MKNK2: variants seen among roughly 807,000 people sequenced by gnomAD.
MKNK2 encodes MAP kinase-interacting serine/threonine-protein kinase 2.
In MKNK2, 54 loss-of-function variants were observed where a neutral mutation model predicts 55.0. The ratio of observed to expected loss-of-function variants is 0.98; its 90% CI spans 0.79 to 1.23. MKNK2 has a LOEUF of 1.23. MKNK2 is among the 50% of genes most tolerant of loss of function. The probability of loss-of-function intolerance (pLI) is 0.00; values close to 1 mark genes in which losing one functional copy is unlikely to be tolerated. For synonymous variants in MKNK2, 323 were observed against 256.0 expected (o/e 1.26, Z -2.50); for missense variants, 685 against 632.1 (o/e 1.08, Z -0.90).
chr19:2,038,412 T>C lies in MKNK2; in HGVS notation c.*1201A>G, dbSNP rs1048363032. The C allele has an allele frequency of 1.1e-5, 11 of 984,994 alleles. No homozygotes were observed. The highest frequency in any genetic ancestry group is 1.1e-4 in the East Asian group (1 of 8,736). The allele number at this position is 984,994 out of a possible 1,614,324, so 61.0% of individuals were successfully genotyped here. A position where few individuals can be genotyped will look rare whatever the true frequency, so the allele number is the denominator to read the frequency against. On this transcript the variant is annotated 3_prime_UTR_variant, in exon 14 of 14. Transcript: ENST00000250896. ...TTCTAAAGTGGAACCCTGTATTGCA[T>C]AGAACGTCCCCACCCGCGGGGAGGG...
chr19:2,040,224 G>A (rs745748466), intron 12 of MKNK2, 47 bp from the exon 13 acceptor site: 19 of 1,486,772 alleles, frequency 1.3e-5, no homozygotes, highest in East Asian at 7.1e-5. Flanking sequence ...AGCTGGGGCC[G>A]CCTGGGGCGC....
intron 2 of MKNK2, among the ~76,000 whole-genome samples, chr19:2,047,111 T>C (rs951246437): frequency 6.6e-6 from 1 of 152,170 alleles, no homozygotes; most frequent in African/African-American, 2.4e-5. Flanking sequence ...TGAGGCCTCC[T>C]AGCACCTCAG....
intron 5 of MKNK2, 107 bp downstream of exon 5, chr19:2,046,079 G>A (rs776261355): frequency 2.2e-5 from 26 of 1,159,958 alleles, no homozygotes; most frequent in Non-Finnish European, 3.3e-5. Flanking sequence ...TTAGACACGG[G>A]TCTTCCCGGC....
At chr19:2,040,653 ACTC>A (rs745917256) in intron 12 of MKNK2, 8 of 289,640 alleles carry the variant, frequency 2.8e-5, no homozygotes, top group Non-Finnish European at 3.9e-5. Flanking sequence ...GAAACACCCG[ACTC>A]CTCCTCGACT....
intron 2 of MKNK2, among the ~76,000 whole-genome samples, chr19:2,046,904 A>C (rs1215340613): frequency 6.6e-6 from 1 of 152,180 alleles, no homozygotes; most frequent in East Asian, 1.9e-4. Flanking sequence ...GGGACCCCCA[A>C]GCTCCTGGGA....
chr19:2,044,982 C>T (rs2016966808), intron 5 of MKNK2, among the ~76,000 whole-genome samples: 1 of 152,134 alleles, frequency 6.6e-6, no homozygotes, highest in African/African-American at 2.4e-5. Context: ...GGGCAGAGGG[C>T]CCACACCCCA....
Position 2,043,505 on chromosome 19 carries a change from G to C in MKNK2, c.417C>G (p.His139Gln), listed in dbSNP as rs2016936984. Residue 139 changes from histidine to glutamine, a missense_variant and splice_region_variant, in exon 6 of 14, where the codon CAC becomes CAG. Physicochemically the swap from His to Gln is conservative, Grantham distance 24. Transcript: ENST00000250896. The part of the protein sequence containing the change: ...EVEMLYQCQG[H>Q]RNVLELIEFF... ...GGTGGCAAGGGTGGCTCACCTACCT[G>C]TGTCCCTGGCACTGGTACAGCATCT... 6.2e-7 allele frequency: 1 copy of C among 1,613,780 alleles called. No individual in the cohort carries two copies. Among genetic ancestry groups the C allele is most frequent in the Non-Finnish European group, 8.5e-7 (1 of 1,179,854 alleles).
At chr19:2,040,053 C>G in intron 13 of MKNK2, 81 bp downstream of exon 13, 1 of 1,479,488 alleles carries the variant, frequency 6.8e-7, no homozygotes, top group East Asian at 2.4e-5. Context: ...CAAAGCAGTT[C>G]TCCGGGTCTT....
In MKNK2 at chr19:2,038,029, CCA is replaced by C; in HGVS notation, c.*1582_*1583del. The C allele has an allele frequency of 7.6e-7, 1 of 1,317,022 alleles. No individual in the cohort carries two copies. 81.6% of individuals were successfully genotyped at this position (1,317,022 alleles called of 1,614,324 possible). A position where few individuals can be genotyped will look rare whatever the true frequency, so the allele number is the denominator to read the frequency against. ...GGGGGAAAGGGGTGGGCGGAATGCC[CCA>C]CCCCCCCCAGGGGTCTTTGGAAGGG... On this transcript the variant is annotated 3_prime_UTR_variant, in exon 14 of 14. Transcript: ENST00000250896.
intron 13 of MKNK2, 134 bp from the exon 14 acceptor site, chr19:2,039,990 G>C: frequency 1.4e-6 from 2 of 1,379,600 alleles, no homozygotes; most frequent in Non-Finnish European, 2.0e-6. Context: ...CTGAGCACCA[G>C]GGCCCCACCG....
rs2016794183 is a variant in MKNK2, at chr19:2,038,177, C to T, written c.*1436G>A. 1 of 1,021,484 alleles carries T rather than the reference C, an allele frequency of 9.8e-7. No homozygotes were observed. The highest frequency in any genetic ancestry group is 1.2e-6 in the Non-Finnish European group (1 of 854,836). 63.3% of individuals were successfully genotyped at this position (1,021,484 alleles called of 1,614,324 possible). A position where few individuals can be genotyped will look rare whatever the true frequency, so the allele number is the denominator to read the frequency against. On this transcript the variant is annotated 3_prime_UTR_variant, in exon 14 of 14. Transcript: ENST00000250896. The stretch of plus-strand genomic sequence containing the variant: ...AGGGCCAGGCAGACGGTCTCCGAGG[C>T]CCCCACCCCCAGGCCCCCCGACATT...
intron 2 of MKNK2, among the ~76,000 whole-genome samples, chr19:2,048,426 G>A (rs1487846686): frequency 6.6e-6 from 1 of 152,122 alleles, no homozygotes; most frequent in East Asian, 1.9e-4. Context: ...TTGAAGCTGG[G>A]GAACCGAGGC....
chr19:2,039,895 A>G (rs781694512), intron 13 of MKNK2, 39 bp from the exon 14 acceptor site: 1 of 1,566,504 alleles, frequency 6.4e-7, no homozygotes, highest in South Asian at 1.2e-5. Flanking sequence ...ACCAAGAGGC[A>G]CCCCTCAGGG....
chr19:2,050,703 G>A (rs2017096650), intron 2 of MKNK2, 98 bp downstream of exon 2: 3 of 1,189,002 alleles, frequency 2.5e-6, no homozygotes, highest in South Asian at 1.4e-5. Context: ...CCAGGCACGA[G>A]CCCCGGGAGC....
At position 2,038,460 on chromosome 19, in the gene MKNK2, G is replaced by A. The variant is rs12151339; in HGVS notation, c.*1153C>T. On this transcript the variant is annotated 3_prime_UTR_variant, in exon 14 of 14. Coordinates refer to ENST00000250896, the MANE Select transcript of MKNK2 (RefSeq NM_199054.3). ...GGGGGCAGCAGGCTCCGCAGCCCCC[G>A]GGGGTTGGAGCATGGAGGGTGGGGG... The A allele has an allele frequency of 0.14, 140,348 of 985,230 alleles. 10,706 individuals carry two copies. The highest frequency in any genetic ancestry group is 0.15 in the Non-Finnish European group (128,453 of 829,712). 61.0% of individuals were successfully genotyped at this position (985,230 alleles called of 1,614,324 possible).
intron 2 of MKNK2, 72 bp from the exon 3 acceptor site, chr19:2,046,763 C>T: frequency 3.2e-6 from 4 of 1,258,592 alleles, no homozygotes; most frequent in Non-Finnish European, 3.2e-6. Flanking sequence ...CTATCCTGCC[C>T]CAGTGTCGCA....
Position 2,042,518 on chromosome 19 carries a change from G to GA in MKNK2, c.658dup (p.Ser220PhefsTer7). The GA allele has an allele frequency of 6.3e-7, 1 of 1,593,684 alleles. No homozygotes were observed. The highest frequency in any genetic ancestry group is 8.5e-7 in the Non-Finnish European group (1 of 1,171,448). On this transcript the variant is annotated frameshift_variant, in exon 10 of 14. Coordinates refer to ENST00000250896, the MANE Select transcript of MKNK2 (RefSeq NM_199054.3). LOFTEE classifies it high-confidence loss of function. ...GTCGAAGTCACAGATCTTCACGGGG[G>GA]AGACCTGGGAGGGGCCAAAAGGTCC...
chr19:2,049,359 T>C (rs1380568364), intron 2 of MKNK2, among the ~76,000 whole-genome samples: 1 of 152,162 alleles, frequency 6.6e-6, no homozygotes, highest in East Asian at 1.9e-4. Context: ...GGAGCAGCCG[T>C]GCATGGTGGG....
rs545227825 is a variant in MKNK2, at chr19:2,039,646, C to G, written c.1365G>C (p.Ser455=). 4 of 1,612,932 alleles carry G rather than the reference C, an allele frequency of 2.5e-6. No homozygotes were observed. The highest frequency in any genetic ancestry group is 1.3e-5 in the African/African-American group (1 of 75,064). ...GGTCTCCCACCAGGACCACTGGGGCCGAGGACAGACTGGCCCTTTGCCGCC... is the reference window on the plus strand; with the variant it reads ...GGTCTCCCACCAGGACCACTGGGGCGGAGGACAGACTGGCCCTTTGCCGCC... The part of the protein sequence containing the change: ...AQRRQRASLS[S]APVVLVGDHA The change falls in exon 14 of 14, where the codon TCG becomes TCC. Residue 455 remains serine (S), a synonymous_variant. Transcript: ENST00000250896.
Sources: gnomAD v4.1 joint callset for allele counts (sites outside exome capture counted in the v4.1 genomes callset) on GRCh38, gnomAD v4.1.1 for gene constraint, MANE v1.5 for transcripts, NCBI Gene and HGNC (gene_info 2026-07-23, HGNC 2026-07-21) for gene names.